Variants in DST observed in about 807,000 individuals in gnomAD.
The protein encoded by DST is bullous pemphigoid antigen.
In DST, 253 loss-of-function variants were observed where a neutral mutation model predicts 875.2. That is an observed-to-expected ratio of 0.29 (90% CI 0.26 to 0.32). The LOEUF (loss-of-function observed/expected upper bound fraction) is 0.32. DST is among the 10% of genes least tolerant of loss of function. The pLI is 1.00. For synonymous variants in DST, 3,124 were observed against 3,197.1 expected (o/e 0.98, Z 0.77); for missense variants, 8,287 against 9,111.6 (o/e 0.91, Z 3.68).
intron 36 of DST, chr6:56,614,777 T>C: frequency 9.7e-7 from 1 of 1,032,670 alleles, no homozygotes; most frequent in Non-Finnish European, 1.2e-6. Context: ...CATGAGGCAC[T>C]AGAAGATCTT....
At chr6:56,898,903 C>T (rs537315661) in intron 3 of DST, among the ~76,000 whole-genome samples, 8 of 152,254 alleles carry the variant, frequency 5.3e-5, no homozygotes, top group African/African-American at 1.7e-4. Context: ...ATTATAATTG[C>T]TTGTTTTCAT....
chr6:56,870,501 G>T (rs1200112962), intron 3 of DST, among the ~76,000 whole-genome samples: 1 of 148,448 alleles, frequency 6.7e-6, no homozygotes, highest in East Asian at 2.0e-4. Context: ...AGTGGCTCAC[G>T]CCTGTAATCC....
rs187202253 is a variant in DST at position 56,725,213 on chromosome 6, G to C, written c.687+10015C>G. On this transcript the variant is annotated intron_variant, in intron 5 of 103. Coordinates refer to ENST00000680361, the MANE Select transcript of DST (RefSeq NM_001374736.1). ...TGTGCCACCTACCCTGGGTCACAAAGTACAATGAAAGAATGTGTTGCAAAA... is the reference window on the plus strand; with the variant it reads ...TGTGCCACCTACCCTGGGTCACAAACTACAATGAAAGAATGTGTTGCAAAA... Among the ~76,000 whole-genome samples the C allele has an allele frequency of 3.7e-4, 57 of 152,294 alleles. 1 individual carries two copies. In the East Asian group the frequency reaches 0.01, roughly 27 times the overall value.
intron 5 of DST, among the ~76,000 whole-genome samples, chr6:56,708,731 A>AG (rs1340182553): frequency 6.6e-6 from 1 of 152,154 alleles, no homozygotes. Context: ...TTATGGGTAA[A>AG]GGGTGGTCGG....
Position 56,508,557 on chromosome 6 carries a change from A to C in DST, c.19211T>G (p.Val6404Gly), listed in dbSNP as rs1476029593. The change falls in exon 75 of 104, where the codon GTA becomes GGA. Residue 6404 changes from valine to glycine, a missense_variant. Around this residue, in one of 10 missense-constraint regions of DST, gnomAD observed 1,292 missense variants for 1,552.7 expected, o/e 0.83. Coordinates refer to ENST00000680361, the MANE Select transcript of DST (RefSeq NM_001374736.1). ...TGCTGCTTCTTGCTGTTGTTTTACT[A>C]CTGAAGGATCAATTCCAGGATCTTC... is the stretch of plus-strand genomic sequence containing the variant. ...DLEDPGIDPS[V>G]VKQQQEAAET... 2.5e-6 allele frequency: 4 copies of C among 1,613,656 alleles called. No homozygotes were observed. Among genetic ancestry groups the C allele is most frequent in the Non-Finnish European group, 3.4e-6 (4 of 1,179,724 alleles).
At position 56,482,159 on chromosome 6, in the gene DST, A is replaced by C. The variant is rs1356210266; in HGVS notation, c.21422T>G (p.Val7141Gly). The C allele has an allele frequency of 6.2e-7, 1 of 1,609,894 alleles. No individual in the cohort carries two copies. The highest frequency in any genetic ancestry group is 1.7e-5 in the Admixed American group (1 of 59,822). Residue 7141 changes from valine (V) to glycine (G), a missense_variant, in exon 90 of 104, where the codon GTG becomes GGG. This residue lies in a region of DST where 1,292 missense variants were observed against 1,552.7 expected (regional missense o/e 0.83). Coordinates refer to ENST00000680361, the MANE Select transcript of DST (RefSeq NM_001374736.1). ...ALRQAEEFHS[V>G]VHALLEWLAE... The stretch of plus-strand genomic sequence containing the variant: ...CAGCCACTCCAAGAGGGCATGTACC[A>C]CCGAGTGGAATTCCTCTGCCTAAGA...
chr6:56,620,535 C>T (rs1179708398), intron 36 of DST: 1 of 1,613,990 alleles, frequency 6.2e-7, no homozygotes, highest in Non-Finnish European at 8.5e-7. Context: ...TTTTCTGCAG[C>T]CTCCCTGACC....
intron 85 of DST, 136 bp downstream of exon 85, chr6:56,492,091 A>T (rs2095766402): frequency 1.2e-6 from 1 of 831,910 alleles, no homozygotes; most frequent in Non-Finnish European, 1.8e-6. Flanking sequence ...CCCTTTTAGG[A>T]AAGAACCACC....
intron 4 of DST, among the ~76,000 whole-genome samples, chr6:56,748,806 T>C (rs1010187476): frequency 6.6e-6 from 1 of 152,166 alleles, no homozygotes; most frequent in African/African-American, 2.4e-5. Flanking sequence ...CCTTTTCCAC[T>C]GTACAAAATT....
Position 56,608,857 on chromosome 6 carries a change from C to T in DST, c.5771G>A (p.Cys1924Tyr). Reference sequence around the variant, plus strand: ...TATTAAAGAAACCTTCTCAGAGGTGCAGGGGTCAATAAGATCTTTGCACAT... The same window carrying T: ...TATTAAAGAAACCTTCTCAGAGGTGTAGGGGTCAATAAGATCTTTGCACAT... ...QNMCKDLIDP[C>Y]TSEKVSLIDM... The change falls in exon 40 of 104, where the codon TGC becomes TAC. Residue 1924 changes from cysteine to tyrosine, a missense_variant. By Grantham distance (194) the Cys-to-Tyr change is radical (BLOSUM62 -2). Around this residue, in one of 10 missense-constraint regions of DST, gnomAD observed 3,138 missense variants for 3,116.6 expected, o/e 1.01. Transcript: ENST00000680361. 1 of 1,613,286 alleles carries T rather than the reference C, an allele frequency of 6.2e-7. No homozygotes were observed. The highest frequency in any genetic ancestry group is 8.5e-7 in the Non-Finnish European group (1 of 1,179,602).
chr6:56,509,925 G>T, intron 73 of DST, 52 bp from the exon 74 acceptor site: 4 of 1,331,750 alleles, frequency 3.0e-6, no homozygotes, highest in Non-Finnish European at 3.1e-6. Flanking sequence ...GTAATACCAA[G>T]TGTGAAATTT....
At chr6:56,837,637 C>A (rs770862337) in intron 4 of DST, among the ~76,000 whole-genome samples, 1 of 152,194 alleles carries the variant, frequency 6.6e-6, no homozygotes, top group Non-Finnish European at 1.5e-5. Flanking sequence ...CCATATCCAT[C>A]TTCCTACAAA....
chr6:56,575,959 G>A (rs2097857034), intron 50 of DST, among the ~76,000 whole-genome samples: 1 of 152,070 alleles, frequency 6.6e-6, no homozygotes, highest in Non-Finnish European at 1.5e-5. Flanking sequence ...GGGGAGCAGG[G>A]GACAGTGGCA....
At chr6:56,601,785 A>G (rs2098448511) in intron 43 of DST, 109 bp from the exon 44 acceptor site, 1 of 687,562 alleles carries the variant, frequency 1.5e-6, no homozygotes. Context: ...CAGGGAATGG[A>G]AGTTTTATGA....
intron 3 of DST, among the ~76,000 whole-genome samples, chr6:56,857,176 T>C (rs1768341261): frequency 1.3e-5 from 2 of 152,082 alleles, no homozygotes; most frequent in Admixed American, 1.3e-4. Context: ...CACACCGGGC[T>C]AATTTTATTT....
intron 17 of DST, among the ~76,000 whole-genome samples, chr6:56,640,839 T>C (rs1185862654): frequency 6.6e-6 from 1 of 152,098 alleles, no homozygotes; most frequent in Non-Finnish European, 1.5e-5. Flanking sequence ...CCTAAACGGC[T>C]CAAAAATACA....
chr6:56,505,904 G>C (rs1366619473), intron 77 of DST, among the ~76,000 whole-genome samples: 1 of 152,046 alleles, frequency 6.6e-6, no homozygotes, highest in East Asian at 1.9e-4. Context: ...ACTATTAAAA[G>C]AAATTATATA....
chr6:56,516,477 T>A (rs924027673), intron 71 of DST, among the ~76,000 whole-genome samples: 1 of 152,254 alleles, frequency 6.6e-6, no homozygotes. Context: ...AGAGTGCATA[T>A]CATTACATTG....
At chr6:56,660,069 G>C (rs1348612413) in intron 10 of DST, among the ~76,000 whole-genome samples, 1 of 152,200 alleles carries the variant, frequency 6.6e-6, no homozygotes, top group Non-Finnish European at 1.5e-5. Context: ...ACTGAGAAAA[G>C]GTGGTGGGAG....
Sources: gnomAD v4.1 joint callset for allele counts (sites outside exome capture counted in the v4.1 genomes callset) on GRCh38, gnomAD v4.1.1 for gene constraint, gnomAD v4.1.1 regional missense constraint, MANE v1.5 for transcripts, NCBI Gene and HGNC (gene_info 2026-07-23, HGNC 2026-07-21) for gene names.